NOS1AP: variants seen among roughly 807,000 people sequenced by gnomAD.
NOS1AP encodes carboxyl-terminal PDZ ligand of neuronal nitric oxide synthase protein.
A neutral mutation model predicts 56.2 loss-of-function variants in NOS1AP; 21 were observed. The observed-to-expected ratio is 0.37, with a 90% confidence interval of 0.26 to 0.54. NOS1AP has a LOEUF of 0.54. NOS1AP is among the 20% of genes least tolerant of loss of function. The pLI, the probability that NOS1AP is intolerant of heterozygous loss-of-function variation, is 0.84. For missense variants in NOS1AP, 522 were observed against 657.8 expected (o/e 0.79, Z 2.26); for synonymous variants, 270 against 274.6 (o/e 0.98, Z 0.17).
At chr1:162,109,037 G>A (rs906226284) in intron 1 of NOS1AP, among the ~76,000 whole-genome samples, 1 of 152,192 alleles carries the variant, frequency 6.6e-6, no homozygotes, top group Non-Finnish European at 1.5e-5. Flanking sequence ...TTCTATGGTG[G>A]CAGGCAAGAG....
chr1:162,361,816 C>CA (rs35316331), intron 8 of NOS1AP, among the ~76,000 whole-genome samples: 3 of 152,200 alleles, frequency 2.0e-5, no homozygotes, highest in African/African-American at 7.2e-5. Context: ...TGGGTACCTG[C>CA]AAAAAAAGCT....
At chr1:162,215,863 C>T (rs1040541259) in intron 2 of NOS1AP, among the ~76,000 whole-genome samples, 1 of 152,200 alleles carries the variant, frequency 6.6e-6, no homozygotes, top group African/African-American at 2.4e-5. Flanking sequence ...ACAATGATAA[C>T]CCATGATCTT....
intron 2 of NOS1AP, among the ~76,000 whole-genome samples, chr1:162,172,248 A>G (rs955984213): frequency 6.6e-6 from 1 of 152,250 alleles, no homozygotes. Flanking sequence ...TGTTGAGCCT[A>G]TACTGGAGAA....
intron 4 of NOS1AP, among the ~76,000 whole-genome samples, chr1:162,321,729 A>ATATATATATAT (rs56969327): frequency 5.5e-5 from 7 of 127,796 alleles, no homozygotes; most frequent in African/African-American, 1.9e-4. Flanking sequence ...TAAAAAAAAA[A>ATATATATATAT]AAATATATAT....
At chr1:162,107,669 A>G (rs566730511) in intron 1 of NOS1AP, among the ~76,000 whole-genome samples, 1 of 152,210 alleles carries the variant, frequency 6.6e-6, no homozygotes, top group Non-Finnish European at 1.5e-5. Context: ...AATAAAAAAC[A>G]TATAATCCCT....
At chr1:162,125,290 T>A (rs1440411823) in intron 1 of NOS1AP, among the ~76,000 whole-genome samples, 5 of 152,116 alleles carry the variant, frequency 3.3e-5, no homozygotes, top group African/African-American at 1.2e-4. Flanking sequence ...CCCACCTCCA[T>A]GCCCAGCTAA....
chr1:162,211,212 A>G (rs1016811654), intron 2 of NOS1AP, among the ~76,000 whole-genome samples: 2 of 152,190 alleles, frequency 1.3e-5, no homozygotes, highest in African/African-American at 4.8e-5. Context: ...GGCTAGGTGG[A>G]TTGAACAAGA....
At chr1:162,293,008 G>A (rs773437235) in intron 3 of NOS1AP, among the ~76,000 whole-genome samples, 17 of 152,168 alleles carry the variant, frequency 1.1e-4, no homozygotes, top group African/African-American at 2.2e-4. Context: ...TCTTTCCACC[G>A]TGCTGTGTTT....
At chr1:162,292,254 C>A (rs1469563334) in intron 3 of NOS1AP, among the ~76,000 whole-genome samples, 12 of 152,206 alleles carry the variant, frequency 7.9e-5, no homozygotes, top group Non-Finnish European at 1.5e-4. Context: ...TCTCTTTCCC[C>A]CATAGTTTGT....
intron 4 of NOS1AP, among the ~76,000 whole-genome samples, chr1:162,304,084 GTTTAAA>G (rs1571204872): frequency 6.6e-6 from 1 of 152,032 alleles, no homozygotes; most frequent in Non-Finnish European, 1.5e-5. Flanking sequence ...AAAGCATGAA[GTTTAAA>G]TTTAGGTTTT....
chr1:162,342,108 G>A (rs917962023), intron 5 of NOS1AP, among the ~76,000 whole-genome samples: 5 of 152,190 alleles, frequency 3.3e-5, no homozygotes, highest in African/African-American at 9.7e-5. Context: ...GGTAGATGTA[G>A]AAAACAGAGG....
chr1:162,218,913 A>G (rs1652671842), intron 2 of NOS1AP, among the ~76,000 whole-genome samples: 1 of 152,128 alleles, frequency 6.6e-6, no homozygotes, highest in Non-Finnish European at 1.5e-5. Context: ...TGATATCACC[A>G]GAAGATTTGT....
chr1:162,285,250 G>A (rs543304653), intron 2 of NOS1AP, among the ~76,000 whole-genome samples: 2 of 152,200 alleles, frequency 1.3e-5, no homozygotes, highest in African/African-American at 2.4e-5. Flanking sequence ...TTAGTGACTC[G>A]TTCAGAAGGG....
At chr1:162,162,942 C>T (rs1650297057) in intron 2 of NOS1AP, among the ~76,000 whole-genome samples, 1 of 152,130 alleles carries the variant, frequency 6.6e-6, no homozygotes, top group African/African-American at 2.4e-5. Flanking sequence ...AAACTCTATA[C>T]CTCTAATCCA....
intron 2 of NOS1AP, among the ~76,000 whole-genome samples, chr1:162,214,428 T>A (rs114224127): frequency 0.034 from 5,235 of 152,162 alleles, 131 homozygotes; most frequent in Middle Eastern, 0.051. Flanking sequence ...AAGGGGGAAG[T>A]GAGTATGCAC....
chr1:162,262,367 C>G (rs564329765), intron 2 of NOS1AP, among the ~76,000 whole-genome samples: 2 of 152,256 alleles, frequency 1.3e-5, no homozygotes, highest in East Asian at 3.9e-4. Flanking sequence ...AGAGCTTGAT[C>G]CTAAGATCAA....
At chr1:162,084,605 T>C (rs1691963347) in intron 1 of NOS1AP, among the ~76,000 whole-genome samples, 1 of 152,154 alleles carries the variant, frequency 6.6e-6, no homozygotes, top group South Asian at 2.1e-4. Context: ...TGGAACATCT[T>C]ATTACAGCCT....
intron 2 of NOS1AP, among the ~76,000 whole-genome samples, chr1:162,220,514 TA>T (rs1286732151): frequency 1.4e-4 from 22 of 152,214 alleles, no homozygotes; most frequent in African/African-American, 5.3e-4. Flanking sequence ...TTCTCATTTA[TA>T]AATTTTCTCT....
At position 162,333,141 on chromosome 1, in the gene NOS1AP, C is replaced by T. The variant is rs1419132692; in HGVS notation, c.453+16C>T. The T allele has an allele frequency of 7.1e-6, 11 of 1,553,396 alleles. No individual in the cohort carries two copies. The highest frequency in any genetic ancestry group is 4.1e-5 in the African/African-American group (3 of 73,734). ...CAAGAAGAAGGTAAAGAGGCGGTTGCCGTCCATCTGCTATTTTCCTCTAAT... is the reference window on the plus strand; with the variant it reads ...CAAGAAGAAGGTAAAGAGGCGGTTGTCGTCCATCTGCTATTTTCCTCTAAT... On this transcript the variant is annotated intron_variant, in intron 5 of 9. Transcript: ENST00000361897.
Sources: allele counts gnomAD v4.1 joint callset (sites outside exome capture counted in the v4.1 genomes callset), GRCh38; gene constraint gnomAD v4.1.1; transcripts MANE v1.5; gene names NCBI Gene and HGNC (gene_info 2026-07-23, HGNC 2026-07-21).